SEMA6D: variants seen among roughly 807,000 people sequenced by gnomAD.
The protein encoded by SEMA6D is semaphorin-6D.
Under a neutral mutation model 106.6 loss-of-function variants are expected in SEMA6D, and 35 were observed. That is an observed-to-expected ratio of 0.33 (90% CI 0.25 to 0.44). The LOEUF is 0.44. SEMA6D is among the 20% of genes least tolerant of loss of function. The probability of loss-of-function intolerance (pLI) is 1.00; values close to 1 mark genes in which losing one functional copy is unlikely to be tolerated. For synonymous variants in SEMA6D, 499 were observed against 487.7 expected (o/e 1.02, Z -0.31); for missense variants, 1,185 against 1,345.9 (o/e 0.88, Z 1.87).
At chr15:47,629,199 G>T (rs1236552122) in intron 4 of SEMA6D, among the ~76,000 whole-genome samples, 10 of 151,942 alleles carry the variant, frequency 6.6e-5, no homozygotes, top group Admixed American at 6.6e-5. Context: ...TCCTAATGTT[G>T]GAGATGGTGA....
At chr15:47,738,214 A>G (rs567811404) in intron 1 of SEMA6D, among the ~76,000 whole-genome samples, 16 of 152,068 alleles carry the variant, frequency 1.1e-4, no homozygotes, top group African/African-American at 3.6e-4. Context: ...CGTGTTCTCA[A>G]TGTTCAACTC....
intron 3 of SEMA6D, among the ~76,000 whole-genome samples, chr15:47,475,386 G>A (rs2042975778): frequency 6.6e-6 from 1 of 152,112 alleles, no homozygotes; most frequent in African/African-American, 2.4e-5. Flanking sequence ...ATGTCTTGAA[G>A]GTTCTATTCA....
chr15:47,593,340 G>A (rs2076474437), intron 3 of SEMA6D, among the ~76,000 whole-genome samples: 1 of 141,164 alleles, frequency 7.1e-6, no homozygotes, highest in African/African-American at 2.6e-5. Context: ...GGGAGGCAGA[G>A]CTTGCAGTGG....
chr15:47,698,033 AT>A (rs2078735772), intron 4 of SEMA6D, among the ~76,000 whole-genome samples: 1 of 152,154 alleles, frequency 6.6e-6, no homozygotes, highest in Non-Finnish European at 1.5e-5. Flanking sequence ...AATCCATTCA[AT>A]TTTTTTATTC....
intron 4 of SEMA6D, among the ~76,000 whole-genome samples, chr15:47,700,295 G>A (rs2078783501): frequency 6.6e-6 from 1 of 152,154 alleles, no homozygotes; most frequent in Non-Finnish European, 1.5e-5. Context: ...GGAGGCCAAG[G>A]TGGGAGGATC....
At chr15:47,615,709 G>A (rs1187911869) in intron 4 of SEMA6D, among the ~76,000 whole-genome samples, 4 of 152,306 alleles carry the variant, frequency 2.6e-5, no homozygotes, top group Admixed American at 2.6e-4. Context: ...TATAATAAAA[G>A]GAGAGAAAAG....
At chr15:47,270,078 A>G (rs1420762033) in intron 1 of SEMA6D, among the ~76,000 whole-genome samples, 1 of 150,014 alleles carries the variant, frequency 6.7e-6, no homozygotes, top group Admixed American at 6.7e-5. Flanking sequence ...CTTTCATTGT[A>G]TTTATTGTAG....
intron 4 of SEMA6D, among the ~76,000 whole-genome samples, chr15:47,701,350 A>T (rs2078806801): frequency 6.6e-6 from 1 of 152,204 alleles, no homozygotes; most frequent in Admixed American, 6.5e-5. Context: ...AATGGTGGTT[A>T]CCAGGAGCTG....
intron 1 of SEMA6D, among the ~76,000 whole-genome samples, chr15:47,310,712 A>G (rs2036415696): frequency 6.6e-6 from 1 of 152,160 alleles, no homozygotes; most frequent in Admixed American, 6.5e-5. Context: ...TATTTTCTAT[A>G]TATTATCTAT....
intron 4 of SEMA6D, among the ~76,000 whole-genome samples, chr15:47,632,059 G>A (rs1454282954): frequency 6.6e-6 from 1 of 151,794 alleles, no homozygotes; most frequent in Non-Finnish European, 1.5e-5. Context: ...ATTTAGAAGT[G>A]TGTTGTTTAA....
At chr15:47,706,492 A>G (rs2078914675) in intron 4 of SEMA6D, among the ~76,000 whole-genome samples, 1 of 152,366 alleles carries the variant, frequency 6.6e-6, no homozygotes, top group South Asian at 2.1e-4. Context: ...ATTGACAAAT[A>G]CTTATATCTG....
At chr15:47,766,578 C>T in intron 15 of SEMA6D, 38 bp from the exon 16 acceptor site, 1 of 1,607,156 alleles carries the variant, frequency 6.2e-7, no homozygotes, top group South Asian at 1.1e-5. Context: ...CCTATGAAGG[C>T]TGTTAACCGA....
chr15:47,627,868 G>T (rs139140283), intron 4 of SEMA6D, among the ~76,000 whole-genome samples: 144 of 152,084 alleles, frequency 9.5e-4, no homozygotes, highest in African/African-American at 3.3e-3. Flanking sequence ...ACTGACCCCT[G>T]ACTCTGAGCA....
At chr15:47,743,655 A>C (rs1414153625) in intron 1 of SEMA6D, among the ~76,000 whole-genome samples, 1 of 152,230 alleles carries the variant, frequency 6.6e-6, no homozygotes, top group Non-Finnish European at 1.5e-5. Context: ...ATTTCTCATG[A>C]GGAATCAGTC....
At chr15:47,544,576 C>T (rs989215803) in intron 3 of SEMA6D, among the ~76,000 whole-genome samples, 3 of 151,978 alleles carry the variant, frequency 2.0e-5, no homozygotes, top group Non-Finnish European at 4.4e-5. Flanking sequence ...TAAGGTCAAA[C>T]AATTCAGATT....
intron 1 of SEMA6D, among the ~76,000 whole-genome samples, chr15:47,326,131 T>C (rs2037122291): frequency 1.3e-5 from 2 of 152,172 alleles, no homozygotes; most frequent in African/African-American, 4.8e-5. Flanking sequence ...TGTTAAACCA[T>C]TACCGAGACG....
At chr15:47,471,004 C>A (rs2042819832) in intron 3 of SEMA6D, among the ~76,000 whole-genome samples, 1 of 152,088 alleles carries the variant, frequency 6.6e-6, no homozygotes, top group Non-Finnish European at 1.5e-5. Context: ...TAAGCAGCCA[C>A]ACAGGAAGGC....
intron 1 of SEMA6D, among the ~76,000 whole-genome samples, chr15:47,357,528 T>C (rs892889963): frequency 5.9e-5 from 9 of 152,084 alleles, no homozygotes; most frequent in African/African-American, 2.2e-4. Context: ...CAGTCTGAGT[T>C]CCAAAACTGA....
chr15:47,309,579 G>C (rs2036364835), intron 1 of SEMA6D, among the ~76,000 whole-genome samples: 1 of 152,144 alleles, frequency 6.6e-6, no homozygotes, highest in Non-Finnish European at 1.5e-5. Context: ...AAAAGACACA[G>C]TGTATTTAGG....
Sources: gnomAD v4.1 joint callset for allele counts (sites outside exome capture counted in the v4.1 genomes callset) on GRCh38, gnomAD v4.1.1 for gene constraint, MANE v1.5 for transcripts, NCBI Gene and HGNC (gene_info 2026-07-23, HGNC 2026-07-21) for gene names.